COG7: variants seen among roughly 807,000 people sequenced by gnomAD.
The protein encoded by COG7 is conserved oligomeric Golgi complex subunit 7.
A neutral mutation model predicts 91.5 loss-of-function variants in COG7; 49 were observed. That is an observed-to-expected ratio of 0.54 (90% CI 0.43 to 0.68). The LOEUF is 0.68. Among genes scored for constraint, COG7 ranks in the 30% least tolerant of loss-of-function variants. The probability of loss-of-function intolerance (pLI) is 0.00; values close to 1 mark genes in which losing one functional copy is unlikely to be tolerated. For missense variants in COG7, 895 were observed against 961.3 expected, an observed-to-expected ratio of 0.93 and a Z score of 0.91; for synonymous variants, 365 against 388.7, an observed-to-expected ratio of 0.94 and a Z score of 0.72.
chr16:23,413,652 T>C (rs2142072901), intron 9 of COG7, 88 bp from the exon 10 acceptor site: 1 of 807,270 alleles, frequency 1.2e-6, no homozygotes, highest in Non-Finnish European at 2.2e-6. Context: ...TCTGGACAAA[T>C]TGCTAATGGC....
At position 23,392,431 on chromosome 16, in the gene COG7, G is replaced by A. The variant is rs1303617094; in HGVS notation, c.2095C>T (p.Gln699Ter). The A allele has an allele frequency of 6.2e-7, 1 of 1,614,066 alleles. No homozygotes were observed. The highest frequency in any genetic ancestry group is 8.5e-7 in the Non-Finnish European group (1 of 1,180,052). ...GAGTGTGGGCTCAGCTCAGGGATCTGTAGGATCGCATCACAGTAGGTCTGC... is the reference window on the plus strand; with the variant it reads ...GAGTGTGGGCTCAGCTCAGGGATCTATAGGATCGCATCACAGTAGGTCTGC... ...TMQTYCDAIL[Q>*]IPELSPHSAK... The change falls in exon 16 of 17, where the codon CAG becomes TAG. Residue 699 changes from glutamine (Q) to a stop codon, truncating the protein, a stop_gained. Transcript: ENST00000307149. LOFTEE classifies it high-confidence loss of function.
chr16:23,396,619 C>T (rs1402787305), intron 14 of COG7, among the ~76,000 whole-genome samples: 1 of 151,950 alleles, frequency 6.6e-6, no homozygotes, highest in African/African-American at 2.4e-5. Flanking sequence ...GCCAAAGTTG[C>T]AGTGGGCCAA....
At chr16:23,420,921 TTTTTTTTTTTTTTG>T (rs1963745616) in intron 7 of COG7, among the ~76,000 whole-genome samples, 1 of 102,810 alleles carries the variant, frequency 9.7e-6, no homozygotes, top group African/African-American at 3.4e-5. Context: ...TTTTTTTTTT[TTTTTTTTTTTTTTG>T]TAGAGATGGG....
At chr16:23,438,471 T>C (rs1964047112) in intron 4 of COG7, among the ~76,000 whole-genome samples, 1 of 152,040 alleles carries the variant, frequency 6.6e-6, no homozygotes, top group Admixed American at 6.6e-5. Context: ...CGTGGGAGGA[T>C]CACTTGAGCT....
chr16:23,437,448 T>C (rs763271382), intron 4 of COG7, among the ~76,000 whole-genome samples: 7 of 152,060 alleles, frequency 4.6e-5, no homozygotes, highest in Non-Finnish European at 1.0e-4. Flanking sequence ...TCCTAGATGG[T>C]AACTTTCCAA....
chr16:23,434,247 C>A lies in COG7; in HGVS notation c.687+389G>T, dbSNP rs1469294266. 2.0e-5 allele frequency among the ~76,000 whole-genome samples: 3 copies of A among 152,104 alleles called. No homozygotes were observed. The East Asian group carries it at 5.8e-4, about 29-fold the overall frequency. On this transcript the variant is annotated intron_variant, in intron 5 of 16. Coordinates refer to ENST00000307149, the MANE Select transcript of COG7 (RefSeq NM_153603.4). ...CCATGATCGGATCTGTGAATAGTCACCGCACTCCAGGCTGGGCAAAATAGT... is the reference window on the plus strand; with the variant it reads ...CCATGATCGGATCTGTGAATAGTCAACGCACTCCAGGCTGGGCAAAATAGT...
chr16:23,434,494 C>G (rs1241570081), intron 5 of COG7, 142 bp downstream of exon 5: 1 of 710,490 alleles, frequency 1.4e-6, no homozygotes, highest in African/African-American at 1.7e-5. Flanking sequence ...AAGAGCACCC[C>G]CTACTGGCTA....
chr16:23,416,424 G>A lies in COG7; in HGVS notation c.1292+543C>T, dbSNP rs114016906. ...ATGCCTACGTGGAACTGCCCTGGGA[G>A]GTGCTGGATGCCCGATGGCAATGCC... is the stretch of plus-strand genomic sequence containing the variant. On this transcript the variant is annotated intron_variant, in intron 9 of 16. Transcript: ENST00000307149. The A allele has an allele frequency of 2.0e-3, 359 of 181,178 alleles. 1 individual carries two copies. The highest frequency in any genetic ancestry group is 8.1e-3 in the African/African-American group (341 of 41,958). 11.2% of individuals were successfully genotyped at this position (181,178 alleles called of 1,614,324 possible). A position where few individuals can be genotyped will look rare whatever the true frequency, so the allele number is the denominator to read the frequency against.
intron 7 of COG7, 50 bp from the exon 8 acceptor site, chr16:23,418,877 T>G (rs1160878426): frequency 6.4e-7 from 1 of 1,574,196 alleles, no homozygotes; most frequent in African/African-American, 1.3e-5. Context: ...AATCTGAAAT[T>G]AACTGTGGGA....
intron 4 of COG7, among the ~76,000 whole-genome samples, chr16:23,435,053 G>A (rs1245417635): frequency 8.5e-5 from 13 of 152,136 alleles, no homozygotes; most frequent in Admixed American, 8.5e-4. Flanking sequence ...CAACATATCT[G>A]GTGGTTTGAG....
chr16:23,418,610 G>T, intron 8 of COG7, 90 bp downstream of exon 8: 1 of 1,248,940 alleles, frequency 8.0e-7, no homozygotes, highest in Non-Finnish European at 1.2e-6. Context: ...TCAGCACCCC[G>T]GATCCCAACC....
intron 14 of COG7, 82 bp from the exon 15 acceptor site, chr16:23,393,429 C>T (rs771114473): frequency 1.2e-5 from 13 of 1,069,698 alleles, no homozygotes; most frequent in South Asian, 3.9e-5. Context: ...TGAAGGCAAA[C>T]GGCAGAGAGA....
intron 9 of COG7, 40 bp from the exon 10 acceptor site, chr16:23,413,604 T>G: frequency 9.6e-7 from 1 of 1,046,550 alleles, no homozygotes; most frequent in Non-Finnish European, 1.5e-6. Flanking sequence ...AGGTCACCAC[T>G]GATTCCCCAA....
chr16:23,409,064 CGTGTGTGTGTGTGTGT>C (rs139188327), intron 11 of COG7, among the ~76,000 whole-genome samples: 1 of 141,410 alleles, frequency 7.1e-6, no homozygotes, highest in Non-Finnish European at 1.6e-5. Context: ...AGTGTGCATG[CGTGTGTGTGTGTGTGT>C]GTGTGTGTGC....
At chr16:23,419,851 C>T (rs1963724862) in intron 7 of COG7, among the ~76,000 whole-genome samples, 1 of 151,690 alleles carries the variant, frequency 6.6e-6, no homozygotes, top group Admixed American at 6.6e-5. Flanking sequence ...AGAATACCCC[C>T]ACTGGCAGGT....
intron 4 of COG7, 84 bp from the exon 5 acceptor site, chr16:23,434,802 A>C: frequency 1.1e-6 from 1 of 872,646 alleles, no homozygotes; most frequent in Non-Finnish European, 1.9e-6. Context: ...GAAGGTGGAT[A>C]TATGGAAGCT....
Position 23,424,951 on chromosome 16 carries a change from C to G in COG7, c.811-4G>C. 3 of 1,595,360 alleles carry G rather than the reference C, an allele frequency of 1.9e-6. No individual in the cohort carries two copies. The highest frequency in any genetic ancestry group is 1.7e-4 in the Middle Eastern group (1 of 6,040). On this transcript the variant is annotated splice_region_variant and splice_polypyrimidine_tract_variant and intron_variant, in intron 6 of 16. Coordinates refer to ENST00000307149, the MANE Select transcript of COG7 (RefSeq NM_153603.4). ...CCTCGTGGGGCTTCTGGAAAACCTG[C>G]AGTGAGAGAGAGGTGTACCTGCCTT...
chr16:23,413,648 C>T, intron 9 of COG7, 84 bp from the exon 10 acceptor site: 1 of 820,986 alleles, frequency 1.2e-6, no homozygotes, highest in South Asian at 1.3e-5. Flanking sequence ...CAGCTCTGGA[C>T]AAATTGCTAA....
Position 23,434,567 on chromosome 16 carries a change from T to A in COG7, c.687+69A>T, listed in dbSNP as rs184145620. On this transcript the variant is annotated intron_variant, in intron 5 of 16. Transcript: ENST00000307149. ...GTTCTTACCTTCTGAATTATGAACC[T>A]GCGATTCTGTGACCCAGAGTTATGA... 307 of 1,172,020 alleles carry A rather than the reference T, an allele frequency of 2.6e-4. No homozygotes were observed. In the African/African-American group the frequency reaches 4.2e-3, roughly 16 times the overall value. The allele number at this position is 1,172,020 out of a possible 1,614,324, so 72.6% of individuals were successfully genotyped here. A position where few individuals can be genotyped will look rare whatever the true frequency, so the allele number is the denominator to read the frequency against.
Sources: allele counts gnomAD v4.1 joint callset (sites outside exome capture counted in the v4.1 genomes callset), GRCh38; gene constraint gnomAD v4.1.1; transcripts MANE v1.5; gene names NCBI Gene and HGNC (gene_info 2026-07-23, HGNC 2026-07-21).